GPR173: variants seen among roughly 807,000 people sequenced by gnomAD.
GPR173 encodes G protein-coupled receptor 173, also known as probable G protein-coupled receptor 173.
Under a neutral mutation model 13.9 loss-of-function variants are expected in GPR173, and 2 were observed. That is an observed-to-expected ratio of 0.14 (90% confidence interval 0.06 to 0.45). The LOEUF is 0.45. GPR173 is among the 20% of genes least tolerant of loss of function. The pLI is 0.98. For missense variants in GPR173, 202 were observed against 340.5 expected, an observed-to-expected ratio of 0.59 and a Z score of 3.20; for synonymous variants, 131 against 141.0, an observed-to-expected ratio of 0.93 and a Z score of 0.50.
At chrX:53,070,218 G>C (rs782652073) in intron 1 of GPR173, among the ~76,000 whole-genome samples, 1 of 111,611 alleles carries the variant, frequency 9.0e-6, no homozygotes, top group African/African-American at 3.3e-5. Flanking sequence ...ATATATGTCT[G>C]TGTGAATGAA....
At chrX:53,062,572 C>CTTTT (rs1165015535) in intron 1 of GPR173, among the ~76,000 whole-genome samples, 10 of 41,010 alleles carry the variant, frequency 2.4e-4, no homozygotes, top group Admixed American at 4.9e-4. Context: ...TTGTCTTCTT[C>CTTTT]TTTTTTTTTT....
At chrX:53,055,823 A>G (rs1480016300) in intron 1 of GPR173, among the ~76,000 whole-genome samples, 1 of 108,717 alleles carries the variant, frequency 9.2e-6, no homozygotes, top group Non-Finnish European at 1.9e-5. Flanking sequence ...ATGTGTCTGC[A>G]TGGGGCTGTG....
At chrX:53,062,145 T>C (rs1932134990) in intron 1 of GPR173, among the ~76,000 whole-genome samples, 1 of 111,267 alleles carries the variant, frequency 9.0e-6, no homozygotes, top group Admixed American at 9.6e-5. Flanking sequence ...TTCTTAAAGG[T>C]CTCACTTCTC....
At chrX:53,062,572 CTTTTTTTTTT>C (rs1165015535) in intron 1 of GPR173, among the ~76,000 whole-genome samples, 1 of 41,012 alleles carries the variant, frequency 2.4e-5, no homozygotes, top group Non-Finnish European at 4.1e-5. Flanking sequence ...TTGTCTTCTT[CTTTTTTTTTT>C]TTTTTTTTTT....
In GPR173 at chrX:53,075,071, G is replaced by A. The variant is rs186284801; in HGVS notation, c.-97-1454G>A. 6.3e-4 allele frequency among the ~76,000 whole-genome samples: 66 copies of A among 105,284 alleles called. No homozygotes were observed. In the East Asian group the frequency reaches 0.018, roughly 29 times the overall value. 91.4% of individuals were successfully genotyped at this position (105,284 alleles called of 115,157 possible). A position where few individuals can be genotyped will look rare whatever the true frequency, so the allele number is the denominator to read the frequency against. Reference sequence around the variant, plus strand: ...AAAAAGTTCTCGCCACGGCCTCCCTGATCTGACCTCACCACCTTTCTGACC... The same window carrying A: ...AAAAAGTTCTCGCCACGGCCTCCCTAATCTGACCTCACCACCTTTCTGACC... On this transcript the variant is annotated intron_variant, in intron 1 of 1. Coordinates refer to ENST00000332582, the MANE Select transcript of GPR173 (RefSeq NM_018969.6).
chrX:53,060,704 G>A (rs1222465249), intron 1 of GPR173, among the ~76,000 whole-genome samples: 6 of 107,275 alleles, frequency 5.6e-5, no homozygotes, highest in Admixed American at 1.0e-4. Context: ...CCCCTTACCC[G>A]TCTCTGGTTG....
chrX:53,058,871 A>C (rs1195271613), intron 1 of GPR173, among the ~76,000 whole-genome samples: 1 of 108,777 alleles, frequency 9.2e-6, no homozygotes, highest in Non-Finnish European at 1.9e-5. Context: ...TGCCTATGTA[A>C]ATGGCGAACG....
At chrX:53,074,206 A>G (rs1459400963) in intron 1 of GPR173, among the ~76,000 whole-genome samples, 1 of 96,857 alleles carries the variant, frequency 1.0e-5, no homozygotes, top group Non-Finnish European at 2.0e-5. Flanking sequence ...AAATATATAT[A>G]AATATACATT....
intron 1 of GPR173, among the ~76,000 whole-genome samples, chrX:53,056,880 C>T (rs2146673493): frequency 9.0e-6 from 1 of 111,364 alleles, no homozygotes; most frequent in South Asian, 3.8e-4. Context: ...ATTGGGTGTG[C>T]ACATACTTGT....
At chrX:53,066,402 A>G (rs1308209336) in intron 1 of GPR173, among the ~76,000 whole-genome samples, 1 of 111,846 alleles carries the variant, frequency 8.9e-6, no homozygotes, top group Non-Finnish European at 1.9e-5. Flanking sequence ...GTGTGCAAAA[A>G]AAGCCATTTG....
chrX:53,067,697 G>A (rs781947110), intron 1 of GPR173, among the ~76,000 whole-genome samples: 11 of 110,735 alleles, frequency 9.9e-5, no homozygotes, highest in African/African-American at 3.3e-4. Flanking sequence ...GGTGGCAGGT[G>A]CCTGTAGTCC....
intron 1 of GPR173, among the ~76,000 whole-genome samples, chrX:53,063,653 T>C (rs1932155613): frequency 8.9e-6 from 1 of 112,049 alleles, no homozygotes; most frequent in African/African-American, 3.2e-5. Context: ...TAGCCAAAAG[T>C]AGTCATGTGG....
chrX:53,066,105 T>C (rs1556804187), intron 1 of GPR173, among the ~76,000 whole-genome samples: 1 of 110,883 alleles, frequency 9.0e-6, no homozygotes, highest in African/African-American at 3.3e-5. Context: ...GTTTCCAAAA[T>C]AAATAAATAA....
rs1931920585 is a variant in GPR173, at chrX:53,049,275, A to G, written c.-307A>G. On this transcript the variant is annotated 5_prime_UTR_variant, in exon 1 of 2. Transcript: ENST00000332582. ...CCACCTGGTGTTCCCCAACACCCCCAGCCCTACCCAGTGCACCCCTCCGGT... is the reference window on the plus strand; with the variant it reads ...CCACCTGGTGTTCCCCAACACCCCCGGCCCTACCCAGTGCACCCCTCCGGT... 1 of 111,913 alleles carries G rather than the reference A, an allele frequency of 8.9e-6. No individual in the cohort carries two copies. Among genetic ancestry groups the G allele is most frequent in the African/African-American group, 3.3e-5 (1 of 30,732 alleles). The allele number at this position is 111,913 out of a possible 1,213,427, so 9.2% of individuals were successfully genotyped here.
At chrX:53,072,838 CA>C (rs1430868725) in intron 1 of GPR173, among the ~76,000 whole-genome samples, 1 of 111,689 alleles carries the variant, frequency 9.0e-6, no homozygotes, top group Non-Finnish European at 1.9e-5. Context: ...AAAGGGAGCC[CA>C]CCAACCCCAT....
At chrX:53,059,000 A>C (rs1363641167) in intron 1 of GPR173, among the ~76,000 whole-genome samples, 5 of 109,173 alleles carry the variant, frequency 4.6e-5, no homozygotes, top group African/African-American at 1.7e-4. Context: ...CTGTAATCCC[A>C]GCACTTTGGG....
intron 1 of GPR173, among the ~76,000 whole-genome samples, chrX:53,055,640 G>A (rs1373689806): frequency 1.8e-5 from 2 of 109,758 alleles, no homozygotes; most frequent in Non-Finnish European, 3.8e-5. Flanking sequence ...GAGCATGGGT[G>A]GATCTGGGGA....
intron 1 of GPR173, among the ~76,000 whole-genome samples, chrX:53,055,617 G>T (rs7473078): frequency 0.3 from 32,310 of 108,109 alleles, 4,926 homozygotes; most frequent in African/African-American, 0.58. Context: ...TGTGGGTGGT[G>T]TGGAGGAGAT....
chrX:53,069,147 A>G (rs1327877416), intron 1 of GPR173, among the ~76,000 whole-genome samples: 1 of 106,627 alleles, frequency 9.4e-6, no homozygotes, highest in Non-Finnish European at 1.9e-5. Context: ...TTTACTAGAG[A>G]CAGGGTTTCA....
Sources: allele counts gnomAD v4.1 joint callset (sites outside exome capture counted in the v4.1 genomes callset), GRCh38; gene constraint gnomAD v4.1.1; transcripts MANE v1.5; gene names NCBI Gene and HGNC (gene_info 2026-07-23, HGNC 2026-07-21).